The following PPP3CA variants were observed in gnomAD, a reference collection of about 807,000 sequenced individuals.
PPP3CA encodes the protein CAM-PRP catalytic subunit.
In PPP3CA, 14 loss-of-function variants were observed where a neutral mutation model predicts 66.5. The ratio of observed to expected loss-of-function variants is 0.21; its 90% CI spans 0.14 to 0.33. The LOEUF is 0.33. Among genes scored for constraint, PPP3CA ranks in the 10% least tolerant of loss-of-function variants. PPP3CA has a pLI of 1.00. For synonymous variants in PPP3CA, 232 were observed against 226.2 expected, an observed-to-expected ratio of 1.03 and a Z score of -0.23; for missense variants, 317 against 639.5, an observed-to-expected ratio of 0.50 and a Z score of 5.44.
intron 2 of PPP3CA, among the ~76,000 whole-genome samples, chr4:101,148,496 TA>T (rs1227497241): frequency 6.6e-6 from 1 of 152,172 alleles, no homozygotes; most frequent in Non-Finnish European, 1.5e-5. Context: ...TACCATAATT[TA>T]TTTTTTATAC....
intron 10 of PPP3CA, among the ~76,000 whole-genome samples, chr4:101,060,859 A>T (rs992892709): frequency 2.0e-5 from 3 of 152,196 alleles, no homozygotes; most frequent in African/African-American, 7.2e-5. Flanking sequence ...AGCTTATTAA[A>T]ACAGTTTACT....
chr4:101,326,859 C>G (rs1729225066), intron 1 of PPP3CA, among the ~76,000 whole-genome samples: 1 of 152,196 alleles, frequency 6.6e-6, no homozygotes, highest in African/African-American at 2.4e-5. Context: ...AAAGAAACCT[C>G]TTAAATATAG....
At chr4:101,170,754 G>A (rs1465502048) in intron 2 of PPP3CA, among the ~76,000 whole-genome samples, 1 of 151,938 alleles carries the variant, frequency 6.6e-6, no homozygotes, top group Non-Finnish European at 1.5e-5. Context: ...AAAAATTCTT[G>A]CCCAGCCTAT....
chr4:101,052,547 C>T (rs890625031), intron 10 of PPP3CA, among the ~76,000 whole-genome samples: 2 of 150,806 alleles, frequency 1.3e-5, no homozygotes, highest in African/African-American at 2.4e-5. Flanking sequence ...AAATTAGACA[C>T]AAAAATATTA....
intron 2 of PPP3CA, among the ~76,000 whole-genome samples, chr4:101,152,294 T>C (rs1324349772): frequency 6.6e-6 from 1 of 152,226 alleles, no homozygotes; most frequent in Admixed American, 6.5e-5. Flanking sequence ...TGTATTAACA[T>C]AAATCCTTAT....
chr4:101,165,177 G>A (rs1471320979), intron 2 of PPP3CA, among the ~76,000 whole-genome samples: 2 of 152,140 alleles, frequency 1.3e-5, no homozygotes, highest in Admixed American at 6.5e-5. Context: ...TTTATTTCAT[G>A]TTGGATGACT....
At chr4:101,327,913 C>T (rs1314255824) in intron 1 of PPP3CA, among the ~76,000 whole-genome samples, 1 of 152,082 alleles carries the variant, frequency 6.6e-6, no homozygotes, top group Non-Finnish European at 1.5e-5. Context: ...CTACATGGTA[C>T]TGGACACCTT....
At chr4:101,318,662 T>C (rs1728951708) in intron 1 of PPP3CA, among the ~76,000 whole-genome samples, 1 of 152,156 alleles carries the variant, frequency 6.6e-6, no homozygotes, top group African/African-American at 2.4e-5. Flanking sequence ...ATATAATCAA[T>C]GGCTTCCAAT....
intron 1 of PPP3CA, among the ~76,000 whole-genome samples, chr4:101,304,155 A>G (rs1728464931): frequency 6.6e-6 from 1 of 152,206 alleles, no homozygotes; most frequent in Non-Finnish European, 1.5e-5. Flanking sequence ...ACATGTGTAC[A>G]AAGACCTCTT....
intron 1 of PPP3CA, among the ~76,000 whole-genome samples, chr4:101,286,269 G>C (rs1727844910): frequency 6.6e-6 from 1 of 152,222 alleles, no homozygotes; most frequent in Non-Finnish European, 1.5e-5. Context: ...GCCACAGACT[G>C]CTACAGGTCG....
chr4:101,171,055 C>T (rs1266584247), intron 2 of PPP3CA: 4 of 352,794 alleles, frequency 1.1e-5, no homozygotes, highest in African/African-American at 8.6e-5. Flanking sequence ...CTTACTATCA[C>T]ATTTTTCCAA....
At chr4:101,106,458 A>AGAAAGAGAAAGAAAGAAG in intron 3 of PPP3CA, among the ~76,000 whole-genome samples, 1 of 32,716 alleles carries the variant, frequency 3.1e-5, no homozygotes, top group Admixed American at 2.7e-4. Flanking sequence ...AGAAAGAGAA[A>AGAAAGAGAAAGAAAGAAG]AGAAAAGAAA....
Position 101,189,834 on chromosome 4 carries a change from A to G in PPP3CA, c.259+6082T>C, listed in dbSNP as rs79657955. On this transcript the variant is annotated intron_variant, in intron 2 of 13. Transcript: ENST00000394854. ...TACACAAAAAGAAAGCATGTTCGCTAAAATGAAAATGAAATTTTCACTCTG... is the reference window on the plus strand; with the variant it reads ...TACACAAAAAGAAAGCATGTTCGCTGAAATGAAAATGAAATTTTCACTCTG... Among the ~76,000 whole-genome samples the G allele has an allele frequency of 2.8e-3, 423 of 152,210 alleles. 3 individuals carry two copies. The highest frequency in any genetic ancestry group is 9.5e-3 in the African/African-American group (394 of 41,570).
Position 101,345,006 on chromosome 4 carries a change from T to G in PPP3CA, c.58+1733A>C, listed in dbSNP as rs191759967. On this transcript the variant is annotated intron_variant, in intron 1 of 13. Transcript: ENST00000394854. ...TGAAAATGTCAACAGAAGCCTTTCA[T>G]GCAAAACACAGCTCTCTCAAATAAA... 1.2e-4 allele frequency among the ~76,000 whole-genome samples: 18 copies of G among 152,322 alleles called. No individual in the cohort carries two copies. In the East Asian group the frequency reaches 3.5e-3, roughly 29 times the overall value.
intron 1 of PPP3CA, among the ~76,000 whole-genome samples, chr4:101,310,361 T>A (rs1243614780): frequency 2.0e-5 from 3 of 152,184 alleles, no homozygotes. Context: ...GTGATACTTG[T>A]ATCTTGCAAA....
intron 2 of PPP3CA, among the ~76,000 whole-genome samples, chr4:101,124,798 AG>A (rs1722193324): frequency 1.1e-5 from 1 of 91,210 alleles, no homozygotes; most frequent in Non-Finnish European, 2.2e-5. Flanking sequence ...AAAGAAAGAA[AG>A]AGAAAACTGT....
intron 11 of PPP3CA, among the ~76,000 whole-genome samples, chr4:101,033,290 AC>A (rs755633933): frequency 0.12 from 10,456 of 88,370 alleles, 383 homozygotes; most frequent in Middle Eastern, 0.13. Flanking sequence ...ACACACACAC[AC>A]AAACACACAC....
At chr4:101,294,141 A>T (rs911736537) in intron 1 of PPP3CA, among the ~76,000 whole-genome samples, 6 of 152,250 alleles carry the variant, frequency 3.9e-5, no homozygotes, top group Non-Finnish European at 8.8e-5. Flanking sequence ...ATCTCAGAAG[A>T]AGTGGAATGG....
At chr4:101,334,311 T>A (rs1298514124) in intron 1 of PPP3CA, among the ~76,000 whole-genome samples, 1 of 152,052 alleles carries the variant, frequency 6.6e-6, no homozygotes, top group Non-Finnish European at 1.5e-5. Flanking sequence ...ATTTTTATAT[T>A]TTTAGTGGAA....
Sources: allele counts gnomAD v4.1 joint callset (sites outside exome capture counted in the v4.1 genomes callset), GRCh38; gene constraint gnomAD v4.1.1; transcripts MANE v1.5; gene names NCBI Gene and HGNC (gene_info 2026-07-23, HGNC 2026-07-21).